Variants in UHRF1 observed in about 807,000 individuals in gnomAD.
UHRF1 encodes the protein E3 ubiquitin-protein ligase UHRF1.
In UHRF1, 9 loss-of-function variants were observed where a neutral mutation model predicts 96.5. That is an observed-to-expected ratio of 0.09 (90% confidence interval 0.06 to 0.16). The LOEUF (loss-of-function observed/expected upper bound fraction) is 0.16, where lower values mean the gene tolerates loss of function less well. Among genes scored for constraint, UHRF1 ranks in the 10% least tolerant of loss-of-function variants. The probability of loss-of-function intolerance (pLI) is 1.00; values close to 1 mark genes in which losing one functional copy is unlikely to be tolerated. For synonymous variants in UHRF1, 455 were observed against 469.9 expected (o/e 0.97, Z 0.41); for missense variants, 626 against 1,131.1 (o/e 0.55, Z 6.40).
At position 4,931,002 on chromosome 19, in the gene UHRF1, C is replaced by T. The variant is rs8113435; in HGVS notation, c.569+126C>T. ...TGATCAGGATCTGGGGCCCCATCCT[C>T]GAATTCCTAACAGCATACGAGGCTG... On this transcript the variant is annotated intron_variant, in intron 4 of 16. Transcript: ENST00000650932. 3,023 of 1,321,584 alleles carry T rather than the reference C, an allele frequency of 2.3e-3. 7 individuals are homozygous for T. The highest frequency in any genetic ancestry group is 3.3e-3 in the South Asian group (245 of 74,610). The allele number at this position is 1,321,584 out of a possible 1,614,324, so 81.9% of individuals were successfully genotyped here.
chr19:4,924,584 C>CT (rs765689964), intron 2 of UHRF1, among the ~76,000 whole-genome samples: 2 of 152,056 alleles, frequency 1.3e-5, no homozygotes, highest in Non-Finnish European at 2.9e-5. Context: ...TGCCCAGCCC[C>CT]TTTTTTAGAA....
At chr19:4,932,707 A>G (rs1207950315) in intron 4 of UHRF1, 34 bp from the exon 5 acceptor site, 2 of 1,608,802 alleles carry the variant, frequency 1.2e-6, no homozygotes, top group Non-Finnish European at 8.5e-7. Flanking sequence ...GCTTGGTCTT[A>G]GCACGGGGTC....
intron 2 of UHRF1, among the ~76,000 whole-genome samples, chr19:4,915,639 GT>G (rs1261118105): frequency 6.6e-6 from 1 of 152,004 alleles, no homozygotes; most frequent in Non-Finnish European, 1.5e-5. Context: ...AACCTGGGAG[GT>G]GGGAGGTTGC....
chr19:4,942,316 G>A (rs1415180922), intron 7 of UHRF1, among the ~76,000 whole-genome samples: 1 of 151,756 alleles, frequency 6.6e-6, no homozygotes, highest in African/African-American at 2.4e-5. Flanking sequence ...TCAGCCTCCC[G>A]AGTAGCTGGG....
At chr19:4,956,115 G>C (rs1033860147) in intron 15 of UHRF1, among the ~76,000 whole-genome samples, 2 of 152,044 alleles carry the variant, frequency 1.3e-5, no homozygotes, top group African/African-American at 4.8e-5. Flanking sequence ...ATTTTTAGTA[G>C]GGATGGGATT....
intron 2 of UHRF1, among the ~76,000 whole-genome samples, chr19:4,928,715 T>C (rs2032949860): frequency 6.6e-6 from 1 of 152,140 alleles, no homozygotes; most frequent in South Asian, 2.1e-4. Context: ...GGGACCGTCC[T>C]GGGCACTGCA....
In UHRF1 at chr19:4,917,538, C is replaced by T. The variant is rs920415722; in HGVS notation, c.153+6500C>T. ...GGATGGTGGTGCACGTCTGTAGTCCCAGCTACTTGGGAGGCTGACGCAGGA... is the reference window on the plus strand; with the variant it reads ...GGATGGTGGTGCACGTCTGTAGTCCTAGCTACTTGGGAGGCTGACGCAGGA... On this transcript the variant is annotated intron_variant, in intron 2 of 16. Coordinates refer to ENST00000650932, the MANE Select transcript of UHRF1 (RefSeq NM_001048201.3). Among the ~76,000 whole-genome samples the T allele has an allele frequency of 9.3e-5, 14 of 150,326 alleles. 1 individual carries two copies. Among genetic ancestry groups the T allele is most frequent in the East Asian group, 2.0e-4 (1 of 4,974 alleles).
chr19:4,954,900 C>T lies in UHRF1; in HGVS notation c.2130+78C>T. 6 of 1,561,454 alleles carry T rather than the reference C, an allele frequency of 3.8e-6. No homozygotes were observed. The highest frequency in any genetic ancestry group is 2.2e-5 in the East Asian group (1 of 44,498). On this transcript the variant is annotated intron_variant, in intron 15 of 16. Coordinates refer to ENST00000650932, the MANE Select transcript of UHRF1 (RefSeq NM_001048201.3). The surrounding 1 kb of genome is among the most constrained non-coding windows in gnomAD (Gnocchi z 5.9). Reference sequence around the variant, plus strand: ...TGTGTGGGGCTTGTTTCCCATGTTCCCCATTTTCAAGTGTACAGCTCAGTC... The same window carrying T: ...TGTGTGGGGCTTGTTTCCCATGTTCTCCATTTTCAAGTGTACAGCTCAGTC...
Position 4,941,753 on chromosome 19 carries a change from G to T in UHRF1, c.895G>T (p.Gly299Trp), listed in dbSNP as rs746199151. ...TGCCGCCCCGTGCCCAGGGAAGAGC[G>T]GGCCGTCCTGCAAGCACTGCAAGGA... ...MVDNPMRRKSGPSCKHCKDDV... is the reference protein window; with the variant it reads ...MVDNPMRRKSWPSCKHCKDDV... Residue 299 changes from glycine to tryptophan, a missense_variant, in exon 7 of 17, where the codon GGG becomes TGG. Physicochemically the swap from Gly to Trp is radical, Grantham distance 184. Around this residue, in one of 11 missense-constraint regions of UHRF1, gnomAD observed 198 missense variants for 235.1 expected, o/e 0.84. Coordinates refer to ENST00000650932, the MANE Select transcript of UHRF1 (RefSeq NM_001048201.3). 1 of 1,545,696 alleles carries T rather than the reference G, an allele frequency of 6.5e-7. No individual in the cohort carries two copies. Among genetic ancestry groups the T allele is most frequent in the South Asian group, 1.2e-5 (1 of 83,592 alleles).
intron 10 of UHRF1, 32 bp downstream of exon 10, chr19:4,945,997 G>GGGGGCCGGC: frequency 8.6e-7 from 1 of 1,162,140 alleles, no homozygotes; most frequent in Non-Finnish European, 1.2e-6. Context: ...GTGGGGGAGG[G>GGGGGCCGGC]TTGCTCTAGT....
At chr19:4,935,526 G>C (rs2033190536) in intron 5 of UHRF1, among the ~76,000 whole-genome samples, 1 of 151,938 alleles carries the variant, frequency 6.6e-6, no homozygotes, top group Non-Finnish European at 1.5e-5. Context: ...CTACTTTGCG[G>C]TTGAAGGATG....
chr19:4,923,203 G>A (rs2032757860), intron 2 of UHRF1, among the ~76,000 whole-genome samples: 1 of 152,154 alleles, frequency 6.6e-6, no homozygotes, highest in South Asian at 2.1e-4. Context: ...TCCTCGGTCT[G>A]TCTCCTCCCC....
chr19:4,944,915 T>C (rs1464058506), intron 9 of UHRF1, among the ~76,000 whole-genome samples: 1 of 152,190 alleles, frequency 6.6e-6, no homozygotes, highest in African/African-American at 2.4e-5. Flanking sequence ...TGCAGGGTGC[T>C]GAGCAGCATC....
chr19:4,909,588 C>A lies in UHRF1; in HGVS notation c.-78C>A. 1.5e-6 allele frequency: 1 copy of A among 650,294 alleles called. No individual in the cohort carries two copies. The highest frequency in any genetic ancestry group is 3.3e-5 in the East Asian group (1 of 30,542). The allele number at this position is 650,294 out of a possible 1,614,324, so 40.3% of individuals were successfully genotyped here. A position where few individuals can be genotyped will look rare whatever the true frequency, so the allele number is the denominator to read the frequency against. On this transcript the variant is annotated 5_prime_UTR_variant, in exon 1 of 17. Coordinates refer to ENST00000650932, the MANE Select transcript of UHRF1 (RefSeq NM_001048201.3). Reference sequence around the variant, plus strand: ...CCGCGCGGGGTCCGGGCCACGCACGCGGTTTCATCGCCATCCCCAGCCGGG... The same window carrying A: ...CCGCGCGGGGTCCGGGCCACGCACGAGGTTTCATCGCCATCCCCAGCCGGG...
chr19:4,925,496 C>T (rs117590042), intron 2 of UHRF1, among the ~76,000 whole-genome samples: 36 of 152,158 alleles, frequency 2.4e-4, no homozygotes, highest in Non-Finnish European at 4.3e-4. Context: ...ATGGCTGAGT[C>T]GTATTTTATT....
At chr19:4,907,723 T>C (rs1049816337), upstream of UHRF1, among the ~76,000 whole-genome samples, 230 of 147,072 alleles carry the variant, frequency 1.6e-3, no homozygotes, top group Middle Eastern at 6.9e-3. Context: ...TTTTTTTTTT[T>C]TTTTTTGAGA....
In UHRF1 at chr19:4,946,006, GT is replaced by G. The variant is rs951414282; in HGVS notation, c.1410+47del. ...GGAGGGGTGGGGGAGGGTTGCTCTA[GT>G]TTTTTGGATGGTGGTAAAATACATA... On this transcript the variant is annotated intron_variant, in intron 10 of 16. Transcript: ENST00000650932. 3.5e-6 allele frequency: 5 copies of G among 1,441,920 alleles called. No individual in the cohort carries two copies. In the African/African-American group the frequency reaches 4.3e-5, roughly 13 times the overall value. 89.3% of individuals were successfully genotyped at this position (1,441,920 alleles called of 1,614,324 possible).
intron 2 of UHRF1, among the ~76,000 whole-genome samples, chr19:4,925,813 C>T (rs1383320163): frequency 6.6e-6 from 1 of 151,120 alleles, no homozygotes; most frequent in African/African-American, 2.4e-5. Flanking sequence ...TGAGCCACCG[C>T]ACGCGGCCTG....
At chr19:4,955,494 C>T (rs556641374) in intron 15 of UHRF1, among the ~76,000 whole-genome samples, 71 of 152,216 alleles carry the variant, frequency 4.7e-4, no homozygotes. Context: ...CACTCAGTCC[C>T]ACCTGCCATT....
Sources: allele counts gnomAD v4.1 joint callset (sites outside exome capture counted in the v4.1 genomes callset), GRCh38; gene constraint gnomAD v4.1.1; regional missense constraint gnomAD v4.1.1; non-coding constraint Gnocchi (gnomAD v3.1); transcripts MANE v1.5; gene names NCBI Gene and HGNC (gene_info 2026-07-23, HGNC 2026-07-21).